The following APBB2 variants were observed in gnomAD, a reference collection of about 807,000 sequenced individuals.
The protein encoded by APBB2 is Fe65-like 1.
Under a neutral mutation model 82.5 loss-of-function variants are expected in APBB2, and 38 were observed. The observed-to-expected ratio is 0.46, with a 90% confidence interval of 0.36 to 0.60. The LOEUF is 0.60. APBB2 is among the 20% of genes least tolerant of loss of function. The probability of loss-of-function intolerance (pLI) is 0.00; values close to 1 mark genes in which losing one functional copy is unlikely to be tolerated. For synonymous variants in APBB2, 341 were observed against 368.2 expected (o/e 0.93, Z 0.85); for missense variants, 772 against 972.3 (o/e 0.79, Z 2.74).
At chr4:40,878,136 C>T (rs6816116) in intron 12 of APBB2, among the ~76,000 whole-genome samples, 38,438 of 151,942 alleles carry the variant, frequency 0.25, 5,093 homozygotes, top group South Asian at 0.34. Context: ...CACTTGAGGC[C>T]AGGAGTTCAA....
At chr4:40,879,526 G>A (rs1424668797) in intron 12 of APBB2, among the ~76,000 whole-genome samples, 4 of 152,114 alleles carry the variant, frequency 2.6e-5, no homozygotes, top group African/African-American at 9.7e-5. Flanking sequence ...GCATCAAATA[G>A]CTCTAGGGAA....
intron 4 of APBB2, among the ~76,000 whole-genome samples, chr4:41,034,320 G>A (rs1718278554): frequency 6.6e-6 from 1 of 151,968 alleles, no homozygotes; most frequent in Admixed American, 6.6e-5. Context: ...ATATAAAAGG[G>A]GTTGTTGGTT....
intron 4 of APBB2, among the ~76,000 whole-genome samples, chr4:41,048,214 T>G (rs1306282010): frequency 6.6e-6 from 1 of 152,244 alleles, no homozygotes; most frequent in Non-Finnish European, 1.5e-5. Flanking sequence ...TTGAGAATCA[T>G]GTCAGTGCTC....
intron 2 of APBB2, among the ~76,000 whole-genome samples, chr4:41,108,335 C>A (rs370990971): frequency 3.3e-5 from 5 of 151,926 alleles, no homozygotes; most frequent in African/African-American, 9.7e-5. Context: ...GAATATAGTT[C>A]TTCAGTGTTA....
intron 5 of APBB2, among the ~76,000 whole-genome samples, chr4:41,028,795 G>T (rs1292759426): frequency 6.6e-6 from 1 of 152,070 alleles, no homozygotes; most frequent in African/African-American, 2.4e-5. Context: ...AGCTTCTCTC[G>T]ATCCCAGCCA....
chr4:41,160,575 C>T (rs897238449), intron 1 of APBB2, among the ~76,000 whole-genome samples: 3 of 152,138 alleles, frequency 2.0e-5, no homozygotes, highest in Admixed American at 6.5e-5. Context: ...AATCCCTCAG[C>T]GACTCAATCC....
chr4:41,104,926 T>C (rs752821773), intron 2 of APBB2, among the ~76,000 whole-genome samples: 4 of 152,242 alleles, frequency 2.6e-5, no homozygotes, highest in Non-Finnish European at 2.9e-5. Context: ...GTTGATTCCA[T>C]GTCTTTGCTA....
At chr4:40,991,175 C>CTTT (rs58342460) in intron 6 of APBB2, among the ~76,000 whole-genome samples, 51 of 90,468 alleles carry the variant, frequency 5.6e-4, no homozygotes, top group African/African-American at 1.4e-3. Context: ...GTGTGTTTTG[C>CTTT]TTTTTTTTTT....
chr4:41,095,694 C>T (rs1743244820), intron 3 of APBB2, among the ~76,000 whole-genome samples: 1 of 152,176 alleles, frequency 6.6e-6, no homozygotes, highest in Non-Finnish European at 1.5e-5. Context: ...TCTAAGTCCT[C>T]CCATCTGCTG....
At chr4:40,917,330 A>C (rs1780091098) in intron 10 of APBB2, among the ~76,000 whole-genome samples, 1 of 152,148 alleles carries the variant, frequency 6.6e-6, no homozygotes, top group South Asian at 2.1e-4. Flanking sequence ...GATGAGGCCC[A>C]TCAAAGAAAG....
chr4:40,967,337 G>T (rs1794916569), intron 6 of APBB2, among the ~76,000 whole-genome samples: 1 of 152,170 alleles, frequency 6.6e-6, no homozygotes, highest in Non-Finnish European at 1.5e-5. Flanking sequence ...ACACAAACAG[G>T]GTTGAAACAC....
intron 3 of APBB2, among the ~76,000 whole-genome samples, chr4:41,081,384 C>T (rs1230960494): frequency 6.6e-6 from 1 of 151,710 alleles, no homozygotes; most frequent in Non-Finnish European, 1.5e-5. Context: ...AATGGAAAGA[C>T]AAAAAGGGAA....
chr4:40,994,333 C>A (rs1803024571), intron 6 of APBB2, among the ~76,000 whole-genome samples: 1 of 150,684 alleles, frequency 6.6e-6, no homozygotes, highest in Non-Finnish European at 1.5e-5. Flanking sequence ...AGACAGACTA[C>A]AGGCCAAACT....
intron 5 of APBB2, among the ~76,000 whole-genome samples, chr4:41,028,306 C>T (rs1715309795): frequency 6.6e-6 from 1 of 152,236 alleles, no homozygotes; most frequent in African/African-American, 2.4e-5. Flanking sequence ...CTCCTTATTT[C>T]AGGGGGCACA....
intron 6 of APBB2, among the ~76,000 whole-genome samples, chr4:40,965,127 TAA>T (rs71198617): frequency 7.5e-6 from 1 of 132,792 alleles, no homozygotes; most frequent in Non-Finnish European, 1.6e-5. Context: ...CTCAAAAAAT[TAA>T]AAAAAAAAAA....
intron 6 of APBB2, among the ~76,000 whole-genome samples, chr4:40,950,604 T>C (rs781311415): frequency 2.5e-4 from 33 of 131,726 alleles, no homozygotes; most frequent in Middle Eastern, 8.5e-3. Flanking sequence ...TCCTAGCACG[T>C]TGGGAGGCTG....
In APBB2 at chr4:40,942,927, C is replaced by T. The variant is rs1030043412; in HGVS notation, c.1044+1938G>A. Reference sequence around the variant, plus strand: ...ATCAAAGAAATACAACTCTGAGCTCCGTAAGCCTCAGGATGCCCTCCTTGG... The same window carrying T: ...ATCAAAGAAATACAACTCTGAGCTCTGTAAGCCTCAGGATGCCCTCCTTGG... On this transcript the variant is annotated intron_variant, in intron 7 of 17. Transcript: ENST00000508593. 5.9e-5 allele frequency among the ~76,000 whole-genome samples: 9 copies of T among 152,270 alleles called. 1 individual carries two copies. The highest frequency in any genetic ancestry group is 1.3e-4 in the Admixed American group (2 of 15,300).
At chr4:41,181,709 G>A (rs1049476469) in intron 1 of APBB2, among the ~76,000 whole-genome samples, 25 of 152,200 alleles carry the variant, frequency 1.6e-4, no homozygotes, top group African/African-American at 6.0e-4. Flanking sequence ...ACTTTGGGAG[G>A]CCGAGGAGAG....
At chr4:40,922,004 G>C (rs1781382140) in intron 10 of APBB2, among the ~76,000 whole-genome samples, 1 of 152,208 alleles carries the variant, frequency 6.6e-6, no homozygotes, top group Admixed American at 6.5e-5. Context: ...GCCAACAACA[G>C]AGGGGGAACT....
Sources: gnomAD v4.1 joint callset for allele counts (sites outside exome capture counted in the v4.1 genomes callset) on GRCh38, gnomAD v4.1.1 for gene constraint, MANE v1.5 for transcripts, NCBI Gene and HGNC (gene_info 2026-07-23, HGNC 2026-07-21) for gene names.